Variants in GRIK2 observed in about 807,000 individuals in gnomAD.
The protein encoded by GRIK2 is glutamate ionotropic receptor kainate type subunit 2, also known as glutamate receptor ionotropic, kainate 2.
A neutral mutation model predicts 100.3 loss-of-function variants in GRIK2; 32 were observed. That is an observed-to-expected ratio of 0.32 (90% CI 0.24 to 0.43). The LOEUF is 0.43. Among genes scored for constraint, GRIK2 ranks in the 20% least tolerant of loss-of-function variants. GRIK2 has a pLI of 1.00. For synonymous variants in GRIK2, 417 were observed against 389.4 expected (o/e 1.07, Z -0.83); for missense variants, 843 against 1,114.9 (o/e 0.76, Z 3.47).
At chr6:101,403,911 A>C (rs2128236366) in intron 2 of GRIK2, among the ~76,000 whole-genome samples, 1 of 152,342 alleles carries the variant, frequency 6.6e-6, no homozygotes, top group African/African-American at 2.4e-5. Flanking sequence ...CACTTTAAAA[A>C]AATCAGTTTT....
chr6:102,033,598 G>A (rs1770113876), intron 14 of GRIK2, among the ~76,000 whole-genome samples: 1 of 151,278 alleles, frequency 6.6e-6, no homozygotes, highest in Admixed American at 6.6e-5. Flanking sequence ...GTATTCTAAA[G>A]TTACCTATTT....
At chr6:101,901,432 C>T (rs2128461662) in intron 12 of GRIK2, among the ~76,000 whole-genome samples, 1 of 151,810 alleles carries the variant, frequency 6.6e-6, no homozygotes, top group Admixed American at 6.6e-5. Context: ...TCATGGCAAA[C>T]AATATTATGA....
intron 7 of GRIK2, among the ~76,000 whole-genome samples, chr6:101,720,275 A>G (rs1774388156): frequency 6.6e-6 from 1 of 152,030 alleles, no homozygotes; most frequent in African/African-American, 2.4e-5. Flanking sequence ...TGTGATTTGG[A>G]TATAAAATAG....
In GRIK2 at chr6:101,590,481, T is replaced by A. The variant is rs1273650399; in HGVS notation, c.116-31468T>A. Among the ~76,000 whole-genome samples, 4 of 152,156 alleles carry A rather than the reference T, an allele frequency of 2.6e-5. No individual in the cohort carries two copies. In the South Asian group the frequency reaches 8.3e-4, roughly 32 times the overall value. On this transcript the variant is annotated intron_variant, in intron 2 of 16. Coordinates refer to ENST00000369134, the MANE Select transcript of GRIK2 (RefSeq NM_021956.5). ...TTCTCCAACCCCTGGAAAATTTCTCTAGCACCCCAGCAGTGATTGGCTGAC... is the reference window on the plus strand; with the variant it reads ...TTCTCCAACCCCTGGAAAATTTCTCAAGCACCCCAGCAGTGATTGGCTGAC...
chr6:101,694,737 C>A (rs938473420), intron 7 of GRIK2, among the ~76,000 whole-genome samples: 8 of 151,856 alleles, frequency 5.3e-5, no homozygotes, highest in African/African-American at 1.9e-4. Context: ...ATACACCAAA[C>A]TAAACTATAT....
At chr6:101,657,043 G>C (rs945275825) in intron 4 of GRIK2, among the ~76,000 whole-genome samples, 9 of 152,114 alleles carry the variant, frequency 5.9e-5, no homozygotes, top group Non-Finnish European at 1.3e-4. Context: ...TCTGCAGGTG[G>C]GGCTGACAAT....
rs568323000 is a variant in GRIK2, at chr6:101,651,908, G to A, written c.542-24715G>A. ...AAGTGAGTATAAACAAAGAAGACTC[G>A]GAGATGACAGGAAATGATCTCTAAG... On this transcript the variant is annotated intron_variant, in intron 4 of 16. Coordinates refer to ENST00000369134, the MANE Select transcript of GRIK2 (RefSeq NM_021956.5). Among the ~76,000 whole-genome samples, 14 of 152,148 alleles carry A rather than the reference G, an allele frequency of 9.2e-5. No homozygotes were observed. In the South Asian group the frequency reaches 2.1e-3, roughly 23 times the overall value.
In GRIK2 at chr6:101,621,834, C is replaced by G. The variant is rs139990823; in HGVS notation, c.116-115C>G. 303 of 707,726 alleles carry G rather than the reference C, an allele frequency of 4.3e-4. No homozygotes were observed. In the African/African-American group the frequency reaches 4.8e-3, roughly 11 times the overall value. 43.8% of individuals were successfully genotyped at this position (707,726 alleles called of 1,614,324 possible). On this transcript the variant is annotated intron_variant, in intron 2 of 16. Transcript: ENST00000369134. The stretch of plus-strand genomic sequence containing the variant: ...TCTTTCTCTCTCTCACACACACACA[C>G]GCAAATGCACTTGCACATATATAAA...
chr6:101,580,361 A>G (rs550665377), intron 2 of GRIK2, among the ~76,000 whole-genome samples: 2 of 152,122 alleles, frequency 1.3e-5, no homozygotes, highest in African/African-American at 4.8e-5. Context: ...GTCATTTTTA[A>G]ATTGTCTCTT....
At chr6:101,970,056 C>T (rs1215894540) in intron 14 of GRIK2, among the ~76,000 whole-genome samples, 1 of 151,988 alleles carries the variant, frequency 6.6e-6, no homozygotes, top group Non-Finnish European at 1.5e-5. Flanking sequence ...AATCACATGC[C>T]TATTTTTATA....
chr6:101,918,227 A>C (rs1157288310), intron 12 of GRIK2, among the ~76,000 whole-genome samples: 22 of 151,714 alleles, frequency 1.5e-4, no homozygotes, highest in Non-Finnish European at 1.5e-5. Context: ...TATTGAATTT[A>C]AATTCTGACA....
intron 2 of GRIK2, among the ~76,000 whole-genome samples, chr6:101,406,274 C>G (rs1457767059): frequency 6.6e-6 from 1 of 151,822 alleles, no homozygotes; most frequent in African/African-American, 2.4e-5. Flanking sequence ...GAATCCTCTT[C>G]AAAGATAGCA....
At chr6:101,730,007 G>C (rs1378141042) in intron 7 of GRIK2, among the ~76,000 whole-genome samples, 1 of 151,760 alleles carries the variant, frequency 6.6e-6, no homozygotes, top group East Asian at 1.9e-4. Flanking sequence ...ATGGCCTTAG[G>C]TTTTTTAGAT....
intron 7 of GRIK2, among the ~76,000 whole-genome samples, chr6:101,721,499 A>G (rs1225004049): frequency 1.3e-5 from 2 of 151,958 alleles, no homozygotes; most frequent in Non-Finnish European, 2.9e-5. Flanking sequence ...GGTAGAGGCT[A>G]CAATGAGCCA....
chr6:101,718,178 G>A (rs10485275), intron 7 of GRIK2, among the ~76,000 whole-genome samples: 14,716 of 151,714 alleles, frequency 0.097, 942 homozygotes, highest in East Asian at 0.27. Context: ...CAACTCTGCT[G>A]TTGGCAATTT....
chr6:101,401,957 G>A (rs1213013513), intron 2 of GRIK2, among the ~76,000 whole-genome samples: 1 of 152,116 alleles, frequency 6.6e-6, no homozygotes, highest in Admixed American at 6.6e-5. Flanking sequence ...CAGCCGCCAG[G>A]CGCCTCCGCC....
chr6:101,628,069 G>A lies in GRIK2; in HGVS notation c.541+1432G>A, dbSNP rs572516105. ...AAAACATTTTATTTTAGGACACTTC[G>A]CTATACTTTCATAATTACATTGAGA... On this transcript the variant is annotated intron_variant, in intron 4 of 16. Transcript: ENST00000369134. Among the ~76,000 whole-genome samples, 3 of 151,986 alleles carry A rather than the reference G, an allele frequency of 2.0e-5. No individual in the cohort carries two copies. The East Asian group carries it at 5.8e-4, about 29-fold the overall frequency.
intron 14 of GRIK2, among the ~76,000 whole-genome samples, chr6:101,987,465 C>T (rs1052884932): frequency 2.6e-5 from 4 of 151,504 alleles, no homozygotes; most frequent in East Asian, 3.9e-4. Flanking sequence ...ATAGTAAGTT[C>T]GCTTTCTGTA....
chr6:101,820,403 A>G (rs1472123505), intron 10 of GRIK2, among the ~76,000 whole-genome samples: 1 of 152,038 alleles, frequency 6.6e-6, no homozygotes, highest in Non-Finnish European at 1.5e-5. Context: ...TCCTCAAAAC[A>G]TCACTTATTT....
Sources: allele counts gnomAD v4.1 joint callset (sites outside exome capture counted in the v4.1 genomes callset), GRCh38; gene constraint gnomAD v4.1.1; transcripts MANE v1.5; gene names NCBI Gene and HGNC (gene_info 2026-07-23, HGNC 2026-07-21).